Variants in ZNF343 observed in about 807,000 individuals in gnomAD.
ZNF343 encodes zinc finger protein 343.
A neutral mutation model predicts 13.8 loss-of-function variants in ZNF343; 11 were observed. The observed-to-expected ratio is 0.80, with a 90% CI of 0.50 to 1.32. The LOEUF is 1.32. Ranked by LOEUF, ZNF343 falls within the 40% of genes most tolerant of loss-of-function variation. The probability of loss-of-function intolerance (pLI) is 0.00; values close to 1 mark genes in which losing one functional copy is unlikely to be tolerated. For missense variants in ZNF343, 658 were observed against 714.2 expected (o/e 0.92, Z 0.90); for synonymous variants, 248 against 260.0 (o/e 0.95, Z 0.44).
chr20:2,519,758 T>A (rs1227443060), intron 1 of ZNF343, among the ~76,000 whole-genome samples: 1 of 152,232 alleles, frequency 6.6e-6, no homozygotes, highest in Non-Finnish European at 1.5e-5. Context: ...GAGATGTTCC[T>A]GAACCTGGAC....
chr20:2,523,594 T>C (rs1349483147), intron 1 of ZNF343, among the ~76,000 whole-genome samples: 1 of 151,714 alleles, frequency 6.6e-6, no homozygotes, highest in African/African-American at 2.4e-5. Flanking sequence ...CTTACTGCCA[T>C]CCTACTGTTT....
chr20:2,493,415 A>G, intron 4 of ZNF343, 104 bp downstream of exon 4: 2 of 1,081,886 alleles, frequency 1.8e-6, no homozygotes. Context: ...TCATCTACCC[A>G]GATGTTGACC....
At chr20:2,511,959 G>C (rs565065791), upstream of ZNF343, among the ~76,000 whole-genome samples, 1 of 152,328 alleles carries the variant, frequency 6.6e-6, no homozygotes, top group South Asian at 2.1e-4. Context: ...AAATGGGAAA[G>C]GAAGAAGTAA....
intron 1 of ZNF343, among the ~76,000 whole-genome samples, chr20:2,505,127 G>T (rs1040217689): frequency 2.0e-5 from 3 of 152,018 alleles, no homozygotes; most frequent in Non-Finnish European, 4.4e-5. Flanking sequence ...AAATCAATGT[G>T]CAACAATCAC....
At position 2,483,517 on chromosome 20, in the gene ZNF343, CAAG is replaced by C. The variant is rs1285689798; in HGVS notation, c.1441_1443del (p.Leu481del). On this transcript the variant is annotated inframe_deletion, in exon 6 of 6. Transcript: ENST00000278772. ...TCCCCTGAGTGTGTCCTCTGGTGGA[CAAG>C]GAGGAGTGATTTCCGACTAAAGCCT... is the stretch of plus-strand genomic sequence containing the variant. The C allele has an allele frequency of 2.5e-6, 4 of 1,588,372 alleles. No individual in the cohort carries two copies. The highest frequency in any genetic ancestry group is 4.6e-5 in the East Asian group (2 of 43,842).
chr20:2,493,382 T>C lies in ZNF343; in HGVS notation c.177+137A>G, dbSNP rs1379804368. On this transcript the variant is annotated intron_variant, in intron 4 of 5. Coordinates refer to ENST00000278772, the MANE Select transcript of ZNF343 (RefSeq NM_024325.6). ...TTTGCTATGTGCTTTGACAACTTTT[T>C]TCAAGAAAGCCTAATGCTTCACTCA... 3.7e-6 allele frequency: 3 copies of C among 809,754 alleles called. No individual in the cohort carries two copies. The East Asian group carries it at 7.6e-5, about 21-fold the overall frequency. The allele number at this position is 809,754 out of a possible 1,614,324, so 50.2% of individuals were successfully genotyped here.
In ZNF343 at chr20:2,493,938, A is replaced by G; in HGVS notation, c.-43T>C. ...AGTGTGTGCCTTGAAATTCTGCCAG[A>G]GGTCCAGGTAGATGTTATTTCATCT... On this transcript the variant is annotated 5_prime_UTR_variant, in exon 3 of 6. Transcript: ENST00000278772. 7.7e-7 allele frequency: 1 copy of G among 1,292,254 alleles called. No individual in the cohort carries two copies. 80.0% of individuals were successfully genotyped at this position (1,292,254 alleles called of 1,614,324 possible). A position where few individuals can be genotyped will look rare whatever the true frequency, so the allele number is the denominator to read the frequency against.
Position 2,492,779 on chromosome 20 carries a change from T to C in ZNF343, c.224A>G (p.Glu75Gly). Residue 75 changes from glutamate to glycine, a missense_variant, in exon 5 of 6, where the codon GAA becomes GGA. Glu to Gly is a moderately conservative substitution (Grantham distance 98, BLOSUM62 -2). Transcript: ENST00000278772. ...RDVTVIFTEA[E>G]WKRLSPEQRN... ...CTGCTCTGGACTCAGTCTCTTCCATTCTGCTTCTGTGAAGATCACAGTCAC... is the reference window on the plus strand; with the variant it reads ...CTGCTCTGGACTCAGTCTCTTCCATCCTGCTTCTGTGAAGATCACAGTCAC... 1 of 1,613,790 alleles carries C rather than the reference T, an allele frequency of 6.2e-7. No individual in the cohort carries two copies. Among genetic ancestry groups the C allele is most frequent in the Non-Finnish European group, 8.5e-7 (1 of 1,179,962 alleles).
intron 5 of ZNF343, among the ~76,000 whole-genome samples, chr20:2,487,475 T>C (rs1405589872): frequency 6.6e-6 from 1 of 152,250 alleles, no homozygotes; most frequent in African/African-American, 2.4e-5. Context: ...TGCACTTGGC[T>C]CTTTTCACTT....
chr20:2,522,310 C>G (rs760316352), intron 1 of ZNF343, among the ~76,000 whole-genome samples: 38 of 152,332 alleles, frequency 2.5e-4, no homozygotes, highest in Non-Finnish European at 3.7e-4. Context: ...TTTAGTTTCT[C>G]ACCATTAGAA....
At position 2,484,209 on chromosome 20, in the gene ZNF343, T is replaced by A; in HGVS notation, c.752A>T (p.Asn251Ile). 6.2e-7 allele frequency: 1 copy of A among 1,614,238 alleles called. No homozygotes were observed. The highest frequency in any genetic ancestry group is 8.5e-7 in the Non-Finnish European group (1 of 1,180,048). The stretch of plus-strand genomic sequence containing the variant: ...GTTTGTAATAAAGTTTGATTCCAGG[T>A]TATGGTCCGGTTCATACTCTCTACA... ...INCREYEPDH[N>I]LESNFITNPR... Residue 251 changes from asparagine to isoleucine, a missense_variant, in exon 6 of 6, where the codon AAC (asparagine) becomes ATC (isoleucine). Coordinates refer to ENST00000278772, the MANE Select transcript of ZNF343 (RefSeq NM_024325.6).
At chr20:2,510,121 C>G (rs1263182710), upstream of ZNF343, among the ~76,000 whole-genome samples, 5 of 152,142 alleles carry the variant, frequency 3.3e-5, no homozygotes, top group African/African-American at 1.2e-4. Flanking sequence ...TTTATTTTTT[C>G]TTTTTGATAA....
At chr20:2,519,216 A>G (rs1194464303) in intron 1 of ZNF343, among the ~76,000 whole-genome samples, 1 of 152,090 alleles carries the variant, frequency 6.6e-6, no homozygotes, top group East Asian at 1.9e-4. Context: ...CCCACATTAC[A>G]TACCAACTCA....
intron 1 of ZNF343, among the ~76,000 whole-genome samples, 198 bp from the exon 2 acceptor site, chr20:2,500,940 T>A (rs997621364): frequency 1.3e-5 from 2 of 152,110 alleles, no homozygotes; most frequent in African/African-American, 2.4e-5. Context: ...TTTATCTCAC[T>A]GGGGAGTGTC....
intron 1 of ZNF343, among the ~76,000 whole-genome samples, chr20:2,521,891 C>A (rs562004544): frequency 1.3e-5 from 2 of 152,294 alleles, no homozygotes; most frequent in South Asian, 4.1e-4. Context: ...CGGAGGGGCT[C>A]CCCCTAGCGA....
intron 1 of ZNF343, among the ~76,000 whole-genome samples, chr20:2,507,851 G>A (rs989302886): frequency 2.6e-5 from 4 of 152,058 alleles, no homozygotes; most frequent in African/African-American, 9.7e-5. Flanking sequence ...AAAATTAAAC[G>A]CCTGATATCC....
intron 1 of ZNF343, among the ~76,000 whole-genome samples, chr20:2,520,548 A>G (rs1189374126): frequency 6.6e-6 from 1 of 152,220 alleles, no homozygotes; most frequent in Non-Finnish European, 1.5e-5. Context: ...AGAGCCTACA[A>G]TCGCTTTTCA....
At position 2,484,375 on chromosome 20, in the gene ZNF343, G is replaced by A. The variant is rs1451866405; in HGVS notation, c.586C>T (p.Pro196Ser). 4.3e-6 allele frequency: 7 copies of A among 1,614,190 alleles called. No individual in the cohort carries two copies. In the South Asian group the frequency reaches 5.5e-5, roughly 13 times the overall value. Residue 196 changes from proline (P) to serine (S), a missense_variant, in exon 6 of 6, where the codon CCA (proline) becomes TCA (serine). Transcript: ENST00000278772. ...GGACTTGCTGACTGTCTTTGGAGTG[G>A]GCTGGGGAATGCCCTTGAGGTTTCT... ...ERETSRAFPS[P>S]LQRQSASPRK... is the part of the protein sequence containing the mutation.
At chr20:2,497,239 G>A (rs1346628986) in intron 2 of ZNF343, among the ~76,000 whole-genome samples, 1 of 152,162 alleles carries the variant, frequency 6.6e-6, no homozygotes, top group Non-Finnish European at 1.5e-5. Context: ...CAATACTGGA[G>A]GGGAAGGAAG....
Sources: gnomAD v4.1 joint callset for allele counts (sites outside exome capture counted in the v4.1 genomes callset) on GRCh38, gnomAD v4.1.1 for gene constraint, MANE v1.5 for transcripts, NCBI Gene and HGNC (gene_info 2026-07-23, HGNC 2026-07-21) for gene names.